Variants in ADGRL3 observed in about 807,000 individuals in gnomAD.
ADGRL3 encodes adhesion G protein-coupled receptor L3.
ADGRL3 carries 62 observed loss-of-function variants against 153.5 expected under a neutral mutation model. The observed-to-expected ratio is 0.40, with a 90% CI of 0.33 to 0.50. The LOEUF (loss-of-function observed/expected upper bound fraction) is 0.50, where lower values mean the gene tolerates loss of function less well. Ranked by LOEUF, ADGRL3 falls within the 20% of genes least tolerant of loss-of-function variation. The probability of loss-of-function intolerance (pLI) is 0.47; values close to 1 mark genes in which losing one functional copy is unlikely to be tolerated. For synonymous variants in ADGRL3, 710 were observed against 672.5 expected, an observed-to-expected ratio of 1.06 and a Z score of -0.86; for missense variants, 1,641 against 1,859.4, an observed-to-expected ratio of 0.88 and a Z score of 2.16.
chr4:61,221,679 TTTAA>T (rs1202225118), intron 1 of ADGRL3, among the ~76,000 whole-genome samples: 4 of 152,036 alleles, frequency 2.6e-5, no homozygotes, highest in Admixed American at 1.3e-4. Context: ...TGCTTTACTA[TTTAA>T]TTTATTTTTT....
intron 2 of ADGRL3, among the ~76,000 whole-genome samples, chr4:61,411,746 G>C (rs1458161684): frequency 1.3e-5 from 2 of 151,994 alleles, no homozygotes; most frequent in African/African-American, 4.8e-5. Context: ...GCACATGTTA[G>C]GCTGAGCTGG....
At chr4:61,738,262 T>G (rs182407261) in intron 8 of ADGRL3, among the ~76,000 whole-genome samples, 5 of 152,346 alleles carry the variant, frequency 3.3e-5, no homozygotes, top group African/African-American at 1.2e-4. Flanking sequence ...TTCCTTTTTA[T>G]GCCTGGGTGG....
chr4:61,921,727 A>G (rs1207828876), intron 13 of ADGRL3, among the ~76,000 whole-genome samples: 1 of 152,120 alleles, frequency 6.6e-6, no homozygotes, highest in African/African-American at 2.4e-5. Flanking sequence ...TAAATATCTT[A>G]CCAGAGAAGA....
At chr4:62,052,633 C>T (rs888241104) in intron 25 of ADGRL3, among the ~76,000 whole-genome samples, 1 of 151,226 alleles carries the variant, frequency 6.6e-6, no homozygotes, top group African/African-American at 2.4e-5. Flanking sequence ...TTCCTGGAAG[C>T]TTTCAAAGTA....
intron 1 of ADGRL3, among the ~76,000 whole-genome samples, chr4:61,207,523 C>G (rs2148793451): frequency 6.6e-6 from 1 of 152,232 alleles, no homozygotes; most frequent in East Asian, 1.9e-4. Context: ...GTGCATGTGT[C>G]TTTATAGTAG....
chr4:61,504,082 T>G (rs1418467819), intron 3 of ADGRL3, among the ~76,000 whole-genome samples: 2 of 152,132 alleles, frequency 1.3e-5, no homozygotes, highest in Non-Finnish European at 2.9e-5. Context: ...AACCTCAACC[T>G]CCTGGGCTCA....
intron 2 of ADGRL3, among the ~76,000 whole-genome samples, chr4:61,454,282 GA>G (rs200943631): frequency 2.7e-5 from 4 of 150,102 alleles, no homozygotes; most frequent in African/African-American, 7.3e-5. Context: ...TGTGCTACCT[GA>G]AAAAAAAAGA....
chr4:61,673,058 A>T (rs957661715), intron 5 of ADGRL3, among the ~76,000 whole-genome samples: 7 of 151,984 alleles, frequency 4.6e-5, no homozygotes, highest in Non-Finnish European at 2.9e-5. Context: ...GGAGGACATT[A>T]TGCTAGATGA....
intron 9 of ADGRL3, among the ~76,000 whole-genome samples, chr4:61,842,640 T>C (rs1187653374): frequency 6.6e-6 from 1 of 152,138 alleles, no homozygotes; most frequent in African/African-American, 2.4e-5. Context: ...AAAAATCGAC[T>C]ATGTCACTAA....
At chr4:61,662,425 C>T (rs368141429) in intron 5 of ADGRL3, among the ~76,000 whole-genome samples, 6 of 152,214 alleles carry the variant, frequency 3.9e-5, no homozygotes, top group Non-Finnish European at 7.3e-5. Context: ...TAAGCCTGAG[C>T]GCTGTTGCAA....
At chr4:61,843,587 T>C (rs1442730859) in intron 9 of ADGRL3, among the ~76,000 whole-genome samples, 1 of 152,214 alleles carries the variant, frequency 6.6e-6, no homozygotes, top group Non-Finnish European at 1.5e-5. Context: ...GCTGCTTTTG[T>C]ACCAGCTCTG....
At chr4:61,665,359 C>A (rs1282908806) in intron 5 of ADGRL3, among the ~76,000 whole-genome samples, 1 of 151,954 alleles carries the variant, frequency 6.6e-6, no homozygotes, top group Non-Finnish European at 1.5e-5. Context: ...TGCAGTGAGC[C>A]GAGATTGCAC....
chr4:61,680,659 C>T (rs2095316377), intron 6 of ADGRL3, among the ~76,000 whole-genome samples: 1 of 151,918 alleles, frequency 6.6e-6, no homozygotes, highest in African/African-American at 2.4e-5. Context: ...TAAATAGGTA[C>T]ATTGAACAAT....
At chr4:61,974,497 A>G (rs1285685138) in intron 17 of ADGRL3, among the ~76,000 whole-genome samples, 2 of 152,162 alleles carry the variant, frequency 1.3e-5, no homozygotes, top group Non-Finnish European at 2.9e-5. Context: ...ATTGAGCATG[A>G]AAAAATTCAG....
chr4:61,715,059 G>T lies in ADGRL3; in HGVS notation c.584-15563G>T, dbSNP rs1045616912. Reference sequence around the variant, plus strand: ...CATAACCATTCAGAGATCTGATTTGGTAGAATGTTAATTATCTTACCACCT... The same window carrying T: ...CATAACCATTCAGAGATCTGATTTGTTAGAATGTTAATTATCTTACCACCT... On this transcript the variant is annotated intron_variant, in intron 6 of 26. Transcript: ENST00000683033. 3.9e-5 allele frequency among the ~76,000 whole-genome samples: 6 copies of T among 152,100 alleles called. 1 individual carries two copies. Among genetic ancestry groups the T allele is most frequent in the Admixed American group, 3.9e-4 (6 of 15,262 alleles).
chr4:61,617,042 G>A (rs2092080942), intron 5 of ADGRL3, among the ~76,000 whole-genome samples: 1 of 152,012 alleles, frequency 6.6e-6, no homozygotes, highest in Non-Finnish European at 1.5e-5. Flanking sequence ...TTTTATATTT[G>A]TGGTACAGTG....
chr4:61,783,363 A>G (rs1031489046), intron 8 of ADGRL3, among the ~76,000 whole-genome samples: 2 of 152,130 alleles, frequency 1.3e-5, no homozygotes, highest in Admixed American at 1.3e-4. Context: ...TTCAGAGGTT[A>G]TGAGGTTATT....
rs187719462 is a variant in ADGRL3 at position 61,306,246 on chromosome 4, C to T, written c.-239-76878C>T. 4.5e-3 allele frequency among the ~76,000 whole-genome samples: 686 copies of T among 151,968 alleles called. 5 individuals carry two copies. The highest frequency in any genetic ancestry group is 0.016 in the African/African-American group (665 of 41,436). On this transcript the variant is annotated intron_variant, in intron 1 of 26. Transcript: ENST00000683033. ...CCAGGTAGCTGGGACTACAGGTACC[C>T]GCCACCACGCCCGGCTAATTTTTTT...
At chr4:61,303,043 C>T (rs996955111) in intron 1 of ADGRL3, among the ~76,000 whole-genome samples, 9 of 152,114 alleles carry the variant, frequency 5.9e-5, no homozygotes, top group African/African-American at 2.2e-4. Context: ...ATAATATAGA[C>T]ATCATTGACA....
Sources: gnomAD v4.1 joint callset for allele counts (sites outside exome capture counted in the v4.1 genomes callset) on GRCh38, gnomAD v4.1.1 for gene constraint, MANE v1.5 for transcripts, NCBI Gene and HGNC (gene_info 2026-07-23, HGNC 2026-07-21) for gene names.